Variants in TUT7 observed in about 807,000 individuals in gnomAD.
The protein encoded by TUT7 is terminal uridylyl transferase 7, also known as terminal uridylyltransferase 7.
TUT7 carries 33 observed loss-of-function variants against 165.9 expected under a neutral mutation model. The ratio of observed to expected loss-of-function variants is 0.20; its 90% CI spans 0.15 to 0.27. The LOEUF (loss-of-function observed/expected upper bound fraction) is 0.27. Among genes scored for constraint, TUT7 ranks in the 10% least tolerant of loss-of-function variants. The pLI is 1.00. For missense variants in TUT7, 1,338 were observed against 1,762.3 expected (o/e 0.76, Z 4.31); for synonymous variants, 552 against 608.1 (o/e 0.91, Z 1.36).
At chr9:86,310,187 G>A (rs1413182856) in intron 18 of TUT7, among the ~76,000 whole-genome samples, 170 bp from the exon 19 acceptor site, 1 of 151,772 alleles carries the variant, frequency 6.6e-6, no homozygotes, top group Non-Finnish European at 1.5e-5. Context: ...CCAAAGTGCT[G>A]GGATTACAAG....
intron 26 of TUT7, among the ~76,000 whole-genome samples, chr9:86,296,253 G>A (rs951727339): frequency 6.6e-6 from 1 of 152,212 alleles, no homozygotes; most frequent in Non-Finnish European, 1.5e-5. Flanking sequence ...GAGGCACAGA[G>A]AGGTTGCATA....
At chr9:86,349,085 C>G (rs1286219618) in intron 2 of TUT7, among the ~76,000 whole-genome samples, 1 of 152,004 alleles carries the variant, frequency 6.6e-6, no homozygotes, top group South Asian at 2.1e-4. Context: ...TCGAGACCAT[C>G]CTGGCCAACA....
chr9:86,325,315 G>A lies in TUT7; in HGVS notation c.1789+19C>T, dbSNP rs1564070090. 1 of 1,609,890 alleles carries A rather than the reference G, an allele frequency of 6.2e-7. No individual in the cohort carries two copies. The highest frequency in any genetic ancestry group is 1.1e-5 in the South Asian group (1 of 90,760). ...TAAAAAAAAGAGTGGGGGGGAATAA[G>A]ATAAACATTTTGAGATACCTTCAAT... On this transcript the variant is annotated intron_variant, in intron 12 of 26. Coordinates refer to ENST00000375963, the MANE Select transcript of TUT7 (RefSeq NM_024617.4).
chr9:86,320,615 C>G (rs1027269529), intron 14 of TUT7, among the ~76,000 whole-genome samples: 2 of 152,124 alleles, frequency 1.3e-5, no homozygotes, highest in Non-Finnish European at 2.9e-5. Flanking sequence ...CCTAGGTATA[C>G]TTCTGGTGAT....
intron 2 of TUT7, among the ~76,000 whole-genome samples, chr9:86,352,384 G>A (rs966540891): frequency 5.3e-5 from 8 of 152,064 alleles, no homozygotes; most frequent in African/African-American, 1.7e-4. Context: ...TGGTCCCCTG[G>A]AGCATATAGC....
chr9:86,305,059 G>A (rs1323850490), intron 23 of TUT7, 112 bp from the exon 24 acceptor site: 1 of 1,174,788 alleles, frequency 8.5e-7, no homozygotes, highest in Non-Finnish European at 1.2e-6. Flanking sequence ...ACTCTGGGAG[G>A]CTGGGGTAGG....
At chr9:86,331,987 G>A (rs539411860) in intron 10 of TUT7, among the ~76,000 whole-genome samples, 71 of 152,230 alleles carry the variant, frequency 4.7e-4, no homozygotes, top group Admixed American at 1.6e-3. Context: ...TGCAGCCAAT[G>A]AGCATATGAA....
In TUT7 at chr9:86,323,723, A is replaced by C. The variant is rs764516147; in HGVS notation, c.2027T>G (p.Leu676Trp). 6.2e-7 allele frequency: 1 copy of C among 1,613,706 alleles called. No individual in the cohort carries two copies. The highest frequency in any genetic ancestry group is 1.1e-5 in the South Asian group (1 of 91,080). Residue 676 changes from leucine to tryptophan, a missense_variant, in exon 13 of 27, where the codon TTG (leucine) becomes TGG (tryptophan). Physicochemically the swap from Leu to Trp is moderately conservative, Grantham distance 61. Coordinates refer to ENST00000375963, the MANE Select transcript of TUT7 (RefSeq NM_024617.4). Reference protein sequence around the residue: ...TKDDKLKNSVLAQGPGATSSA... With the variant: ...TKDDKLKNSVWAQGPGATSSA... ...ACTGGTAGCACCAGGACCTTGGGCC[A>C]AAACTGAGTTTTTGAGCTTATCATC...
At chr9:86,316,230 T>A (rs1175538964) in intron 17 of TUT7, among the ~76,000 whole-genome samples, 1 of 152,214 alleles carries the variant, frequency 6.6e-6, no homozygotes. Context: ...ATTCTGTGCA[T>A]GGTTTACAAA....
intron 17 of TUT7, among the ~76,000 whole-genome samples, chr9:86,316,998 C>T (rs578104023): frequency 6.6e-6 from 1 of 152,140 alleles, no homozygotes; most frequent in African/African-American, 2.4e-5. Flanking sequence ...CTAGAGATGA[C>T]TAAAACTATA....
intron 17 of TUT7, 87 bp downstream of exon 17, chr9:86,317,132 C>A (rs1828799359): frequency 1.6e-6 from 2 of 1,222,082 alleles, no homozygotes; most frequent in South Asian, 1.3e-5. Flanking sequence ...GGGCCTGGAA[C>A]AAATACCCCA....
In TUT7 at chr9:86,325,347, G is replaced by A; in HGVS notation, c.1776C>T (p.Arg592=). The change falls in exon 12 of 27, where the codon CGC becomes CGT. Residue 592 remains arginine, a synonymous_variant. Transcript: ENST00000375963. ...ATTTTGAGATACCTTCAATGGCAAT[G>A]CGCTTTTTGGGCCAATCCTTCAATT... ...SRELKDWPKK[R]IAIEDPYSVK... 1 of 1,613,874 alleles carries A rather than the reference G, an allele frequency of 6.2e-7. No individual in the cohort carries two copies. Among genetic ancestry groups the A allele is most frequent in the Non-Finnish European group, 8.5e-7 (1 of 1,179,872 alleles).
In TUT7 at chr9:86,305,321, A is replaced by G; in HGVS notation, c.3839-82T>C. The G allele has an allele frequency of 2.1e-6, 2 of 934,872 alleles. 1 individual carries two copies. Among genetic ancestry groups the G allele is most frequent in the South Asian group, 3.3e-5 (2 of 61,048 alleles). 57.9% of individuals were successfully genotyped at this position (934,872 alleles called of 1,614,324 possible). A position where few individuals can be genotyped will look rare whatever the true frequency, so the allele number is the denominator to read the frequency against. On this transcript the variant is annotated intron_variant, in intron 22 of 26. Transcript: ENST00000375963. Reference sequence around the variant, plus strand: ...ATCCAATAAGTAAAGTTCATAAAACAAGACAAGAATATCATCTACTTTGCT... The same window carrying G: ...ATCCAATAAGTAAAGTTCATAAAACGAGACAAGAATATCATCTACTTTGCT...
At chr9:86,299,169 C>T (rs1481854343) in intron 26 of TUT7, among the ~76,000 whole-genome samples, 2 of 152,144 alleles carry the variant, frequency 1.3e-5, no homozygotes, top group Non-Finnish European at 2.9e-5. Flanking sequence ...ATGACAGACA[C>T]GCCTCCTTCT....
At chr9:86,306,145 A>AT (rs1010885256) in intron 22 of TUT7, among the ~76,000 whole-genome samples, 10 of 152,326 alleles carry the variant, frequency 6.6e-5, no homozygotes, top group African/African-American at 2.4e-4. Context: ...CTAAAACAAT[A>AT]TTCAAGAAGG....
chr9:86,307,397 A>G (rs990716148), intron 22 of TUT7, among the ~76,000 whole-genome samples: 6 of 152,242 alleles, frequency 3.9e-5, no homozygotes, highest in Non-Finnish European at 7.3e-5. Context: ...AGTCAAAACT[A>G]TATCTGTAAC....
chr9:86,316,995 T>C (rs1453896602), intron 17 of TUT7, among the ~76,000 whole-genome samples: 2 of 152,166 alleles, frequency 1.3e-5, no homozygotes, highest in Non-Finnish European at 2.9e-5. Flanking sequence ...AACCTAGAGA[T>C]GACTAAAACT....
chr9:86,324,216 A>G (rs1829583815), intron 12 of TUT7: 3 of 242,260 alleles, frequency 1.2e-5, no homozygotes, highest in South Asian at 1.3e-4. Context: ...CCTTCTCCCT[A>G]TTGTGCTCTG....
chr9:86,314,368 T>C (rs1828512755), intron 17 of TUT7, among the ~76,000 whole-genome samples: 1 of 147,054 alleles, frequency 6.8e-6, no homozygotes, highest in Admixed American at 6.9e-5. Context: ...AATCTCTCTC[T>C]TTTTCTTCAA....
Sources: allele counts gnomAD v4.1 joint callset (sites outside exome capture counted in the v4.1 genomes callset), GRCh38; gene constraint gnomAD v4.1.1; transcripts MANE v1.5; gene names NCBI Gene and HGNC (gene_info 2026-07-23, HGNC 2026-07-21).